SPOCK3: variants seen among roughly 807,000 people sequenced by gnomAD.
The protein encoded by SPOCK3 is SPARC (osteonectin), cwcv and kazal like domains proteoglycan 3.
SPOCK3 carries 30 observed loss-of-function variants against 56.6 expected under a neutral mutation model. The observed-to-expected ratio is 0.53, with a 90% CI of 0.40 to 0.72. SPOCK3 has a LOEUF of 0.72. Among genes scored for constraint, SPOCK3 ranks in the 30% least tolerant of loss-of-function variants. SPOCK3 has a pLI of 0.00. For synonymous variants in SPOCK3, 196 were observed against 183.3 expected (o/e 1.07, Z -0.56); for missense variants, 527 against 530.0 (o/e 0.99, Z 0.06).
At chr4:167,033,780 A>G (rs1450304420) in intron 3 of SPOCK3, among the ~76,000 whole-genome samples, 1 of 152,004 alleles carries the variant, frequency 6.6e-6, no homozygotes, top group Non-Finnish European at 1.5e-5. Flanking sequence ...TTACTAGTAA[A>G]TAGTCTTACT....
chr4:166,801,693 T>G (rs1479224171), intron 6 of SPOCK3, among the ~76,000 whole-genome samples: 4 of 152,176 alleles, frequency 2.6e-5, no homozygotes, highest in Non-Finnish European at 5.9e-5. Flanking sequence ...CAAATATATT[T>G]AAAATGTGCA....
chr4:166,887,803 C>A (rs916573219), intron 6 of SPOCK3, among the ~76,000 whole-genome samples: 1 of 150,290 alleles, frequency 6.7e-6, no homozygotes, highest in African/African-American at 2.5e-5. Flanking sequence ...TCTTACAAAT[C>A]ACCACTAAAG....
chr4:166,881,116 T>C (rs1327951533), intron 6 of SPOCK3, among the ~76,000 whole-genome samples: 1 of 152,234 alleles, frequency 6.6e-6, no homozygotes, highest in East Asian at 1.9e-4. Flanking sequence ...AGTTGTTATA[T>C]AGAATAAAAT....
rs535846879 is a variant in SPOCK3, at chr4:166,734,560, G to T, written c.*361C>A. ...ATTTATTTATTTTAAATTTCACTTA[G>T]AATTATCTTTCAGAAAATTAACATG... On this transcript the variant is annotated 3_prime_UTR_variant, in exon 11 of 11. Transcript: ENST00000357545. The T allele has an allele frequency of 9.1e-5, 15 of 164,960 alleles. No homozygotes were observed. The highest frequency in any genetic ancestry group is 1.6e-4 in the Non-Finnish European group (12 of 76,978). 10.2% of individuals were successfully genotyped at this position (164,960 alleles called of 1,614,324 possible).
intron 7 of SPOCK3, among the ~76,000 whole-genome samples, chr4:166,778,367 A>T (rs1239086613): frequency 6.6e-6 from 1 of 152,184 alleles, no homozygotes; most frequent in Non-Finnish European, 1.5e-5. Flanking sequence ...GAGGAACATA[A>T]ATCGAAGTAA....
chr4:166,860,032 C>T (rs943641226), intron 6 of SPOCK3, among the ~76,000 whole-genome samples: 5 of 152,056 alleles, frequency 3.3e-5, no homozygotes, highest in East Asian at 3.9e-4. Context: ...TGTAAGAGAA[C>T]GTAAGATAAT....
intron 2 of SPOCK3, among the ~76,000 whole-genome samples, chr4:167,217,562 G>T (rs1735492122): frequency 6.6e-6 from 1 of 151,926 alleles, no homozygotes; most frequent in South Asian, 2.1e-4. Flanking sequence ...TCCTGGTGGG[G>T]GTGTCCTGGA....
chr4:167,087,568 C>G (rs1490616933), intron 2 of SPOCK3, among the ~76,000 whole-genome samples: 2 of 152,120 alleles, frequency 1.3e-5, no homozygotes, highest in African/African-American at 4.8e-5. Flanking sequence ...ACAATTCTTA[C>G]AACATTTCAC....
chr4:166,909,957 G>T (rs1430157387), intron 5 of SPOCK3, among the ~76,000 whole-genome samples: 1 of 151,954 alleles, frequency 6.6e-6, no homozygotes, highest in African/African-American at 2.4e-5. Flanking sequence ...TTGATCAGTA[G>T]CTAAATAGCC....
chr4:167,227,889 T>A (rs1037107350), intron 2 of SPOCK3, among the ~76,000 whole-genome samples: 1 of 152,180 alleles, frequency 6.6e-6, no homozygotes, highest in Non-Finnish European at 1.5e-5. Context: ...TGGTACACGA[T>A]GTTCCTTTTG....
intron 2 of SPOCK3, among the ~76,000 whole-genome samples, chr4:167,196,560 C>A (rs143151850): frequency 2.1e-3 from 320 of 151,864 alleles, no homozygotes; most frequent in African/African-American, 7.1e-3. Context: ...TTTATTGATT[C>A]CGTAAGTTTA....
chr4:167,100,476 T>TTC (rs199725725), intron 2 of SPOCK3, among the ~76,000 whole-genome samples: 4,924 of 147,560 alleles, frequency 0.033, 104 homozygotes, highest in Middle Eastern at 0.069. Flanking sequence ...CACACCCACA[T>TTC]TCTCTCTCTC....
chr4:166,820,781 GC>G (rs1446990859), intron 6 of SPOCK3, among the ~76,000 whole-genome samples: 1 of 151,926 alleles, frequency 6.6e-6, no homozygotes, highest in Non-Finnish European at 1.5e-5. Flanking sequence ...TAGAGATCAT[GC>G]CACTCTGTCT....
chr4:167,203,783 C>G (rs1733755475), intron 2 of SPOCK3, among the ~76,000 whole-genome samples: 1 of 150,782 alleles, frequency 6.6e-6, no homozygotes, highest in Non-Finnish European at 1.5e-5. Flanking sequence ...AATCCTGTCA[C>G]AGCTCTACAC....
At chr4:166,931,599 A>G (rs1739791382) in intron 4 of SPOCK3, among the ~76,000 whole-genome samples, 1 of 152,212 alleles carries the variant, frequency 6.6e-6, no homozygotes, top group Non-Finnish European at 1.5e-5. Context: ...GCTCAAAAAT[A>G]TTTATTTTAA....
At chr4:167,003,117 AT>A (rs1749116609) in intron 3 of SPOCK3, among the ~76,000 whole-genome samples, 1 of 151,982 alleles carries the variant, frequency 6.6e-6, no homozygotes, top group South Asian at 2.1e-4. Flanking sequence ...GCATTCGATA[AT>A]TTCCAAAAGT....
At chr4:166,999,922 C>G (rs867721498) in intron 4 of SPOCK3, among the ~76,000 whole-genome samples, 1 of 152,098 alleles carries the variant, frequency 6.6e-6, no homozygotes, top group East Asian at 1.9e-4. Context: ...TCCCAAGTCC[C>G]TATTTCGTGA....
At chr4:166,968,844 G>C (rs911443327) in intron 4 of SPOCK3, among the ~76,000 whole-genome samples, 7 of 152,170 alleles carry the variant, frequency 4.6e-5, no homozygotes, top group Admixed American at 3.9e-4. Flanking sequence ...TCCACTGACA[G>C]CTTGCACCAT....
intron 2 of SPOCK3, among the ~76,000 whole-genome samples, chr4:167,116,536 A>C (rs922195451): frequency 7.2e-6 from 1 of 139,718 alleles, no homozygotes; most frequent in Non-Finnish European, 1.5e-5. Context: ...ATGTATATAT[A>C]TATAAAAGTA....
Sources: gnomAD v4.1 joint callset for allele counts (sites outside exome capture counted in the v4.1 genomes callset) on GRCh38, gnomAD v4.1.1 for gene constraint, MANE v1.5 for transcripts, NCBI Gene and HGNC (gene_info 2026-07-23, HGNC 2026-07-21) for gene names.